The following ADGRB3 variants were observed in gnomAD, a reference collection of about 807,000 sequenced individuals.
ADGRB3 encodes adhesion G protein-coupled receptor B3, also known as brain-specific angiogenesis inhibitor 3.
Under a neutral mutation model 193.4 loss-of-function variants are expected in ADGRB3, and 37 were observed. That is an observed-to-expected ratio of 0.19 (90% CI 0.15 to 0.25). The LOEUF (loss-of-function observed/expected upper bound fraction) is 0.25. ADGRB3 is among the 10% of genes least tolerant of loss of function. The probability of loss-of-function intolerance (pLI) is 1.00; values close to 1 mark genes in which losing one functional copy is unlikely to be tolerated. For synonymous variants in ADGRB3, 690 were observed against 644.2 expected, an observed-to-expected ratio of 1.07 and a Z score of -1.08; for missense variants, 1,637 against 1,852.9, an observed-to-expected ratio of 0.88 and a Z score of 2.14.
At chr6:69,348,767 T>C (rs1769162046) in intron 26 of ADGRB3, among the ~76,000 whole-genome samples, 1 of 152,222 alleles carries the variant, frequency 6.6e-6, no homozygotes, top group African/African-American at 2.4e-5. Flanking sequence ...GCAATATTGT[T>C]AAACTAATAA....
At chr6:69,075,959 C>G in intron 16 of ADGRB3, 36 bp from the exon 17 acceptor site, 1 of 1,527,072 alleles carries the variant, frequency 6.5e-7, no homozygotes, top group Non-Finnish European at 9.1e-7. Flanking sequence ...TATATGTACT[C>G]AAGATATATG....
rs541878141 is a variant in ADGRB3, at chr6:68,868,334, C to T, written c.758-62225C>T. The stretch of plus-strand genomic sequence containing the variant: ...GTGTGTCTTTCTTCCCATTCACCTT[C>T]CGCCATGATTGTAAGTTTCTGAGGC... On this transcript the variant is annotated intron_variant, in intron 3 of 31. Coordinates refer to ENST00000370598, the MANE Select transcript of ADGRB3 (RefSeq NM_001704.3). 2.6e-5 allele frequency among the ~76,000 whole-genome samples: 4 copies of T among 152,298 alleles called. No individual in the cohort carries two copies. In the East Asian group the frequency reaches 7.7e-4, roughly 29 times the overall value.
rs146168175 is a variant in ADGRB3, at chr6:68,818,079, T to C, written c.758-112480T>C. ...TTCAGTGAATAAAGTGGCTTTAGGT[T>C]CTTGTAGCTGGGACCAAATCCATCT... On this transcript the variant is annotated intron_variant, in intron 3 of 31. Transcript: ENST00000370598. 2.9e-3 allele frequency among the ~76,000 whole-genome samples: 446 copies of C among 152,154 alleles called. 1 individual carries two copies. The highest frequency in any genetic ancestry group is 0.01 in the African/African-American group (431 of 41,548).
intron 17 of ADGRB3, among the ~76,000 whole-genome samples, chr6:69,096,636 A>G (rs1031512503): frequency 1.3e-5 from 2 of 152,162 alleles, no homozygotes; most frequent in Non-Finnish European, 1.5e-5. Context: ...GTTTGTGCTT[A>G]ACTTTTTTTC....
chr6:68,695,982 T>C lies in ADGRB3; in HGVS notation c.757+56550T>C, dbSNP rs577002285. Among the ~76,000 whole-genome samples, 4 of 152,140 alleles carry C rather than the reference T, an allele frequency of 2.6e-5. No individual in the cohort carries two copies. In the South Asian group the frequency reaches 8.3e-4, roughly 32 times the overall value. On this transcript the variant is annotated intron_variant, in intron 3 of 31. Transcript: ENST00000370598. Reference sequence around the variant, plus strand: ...TTTGTTGTGGATTTTCTTAGCGCCTTCCTGTATTTGGCTGCGACCCAAAGG... The same window carrying C: ...TTTGTTGTGGATTTTCTTAGCGCCTCCCTGTATTTGGCTGCGACCCAAAGG...
At chr6:68,889,273 A>G (rs371580796) in intron 3 of ADGRB3, among the ~76,000 whole-genome samples, 3 of 152,282 alleles carry the variant, frequency 2.0e-5, no homozygotes, top group African/African-American at 4.8e-5. Context: ...TTTGTTTGCC[A>G]TGATTGAAGT....
At chr6:69,147,258 A>G (rs1260923710) in intron 17 of ADGRB3, among the ~76,000 whole-genome samples, 1 of 151,984 alleles carries the variant, frequency 6.6e-6, no homozygotes, top group African/African-American at 2.4e-5. Context: ...ATGTTTTTCT[A>G]CCTTTTTGAG....
intron 16 of ADGRB3, among the ~76,000 whole-genome samples, chr6:69,074,407 T>C (rs1465983686): frequency 6.6e-6 from 1 of 152,154 alleles, no homozygotes; most frequent in Non-Finnish European, 1.5e-5. Context: ...GATGTTGCTT[T>C]CCCAGATACA....
chr6:68,722,432 C>A (rs2127325196), intron 3 of ADGRB3, among the ~76,000 whole-genome samples: 1 of 151,700 alleles, frequency 6.6e-6, no homozygotes, highest in East Asian at 2.0e-4. Flanking sequence ...GTCTATGTGA[C>A]AAACCTGCAC....
At chr6:69,159,501 C>T (rs544821064) in intron 17 of ADGRB3, among the ~76,000 whole-genome samples, 2 of 152,040 alleles carry the variant, frequency 1.3e-5, no homozygotes, top group Non-Finnish European at 2.9e-5. Flanking sequence ...GAACTGAACC[C>T]TGGCTCAGTG....
At chr6:68,897,562 AAG>A (rs1303332263) in intron 3 of ADGRB3, among the ~76,000 whole-genome samples, 3 of 40,330 alleles carry the variant, frequency 7.4e-5, no homozygotes, top group African/African-American at 3.8e-4. Context: ...GAAGGAAAGA[AAG>A]AGAAACAAGA....
At chr6:68,871,742 T>A (rs552143420) in intron 3 of ADGRB3, among the ~76,000 whole-genome samples, 30 of 152,258 alleles carry the variant, frequency 2.0e-4, no homozygotes, top group African/African-American at 6.7e-4. Flanking sequence ...CAAAAAGGGC[T>A]TTAAAGTCAT....
At chr6:68,648,994 A>G (rs1462269719) in intron 3 of ADGRB3, among the ~76,000 whole-genome samples, 1 of 151,948 alleles carries the variant, frequency 6.6e-6, no homozygotes, top group Non-Finnish European at 1.5e-5. Context: ...GTTCTATTGC[A>G]CATATTGTTT....
intron 17 of ADGRB3, among the ~76,000 whole-genome samples, chr6:69,125,027 C>G (rs1173374138): frequency 1.3e-5 from 2 of 152,018 alleles, no homozygotes; most frequent in East Asian, 3.9e-4. Context: ...TGATATCATC[C>G]TTTTGGGTGG....
chr6:69,021,479 T>C (rs971530594), intron 13 of ADGRB3, among the ~76,000 whole-genome samples: 3 of 151,798 alleles, frequency 2.0e-5, no homozygotes, highest in African/African-American at 7.2e-5. Flanking sequence ...CTGGATTAGA[T>C]AGAATGGGTT....
chr6:69,286,702 T>C (rs1323742508), intron 20 of ADGRB3, among the ~76,000 whole-genome samples: 1 of 152,172 alleles, frequency 6.6e-6, no homozygotes, highest in Non-Finnish European at 1.5e-5. Flanking sequence ...AAAAATAATA[T>C]GGTGTTTTAA....
At chr6:68,930,930 A>G (rs577193459) in intron 4 of ADGRB3, among the ~76,000 whole-genome samples, 7 of 152,222 alleles carry the variant, frequency 4.6e-5, no homozygotes, top group Admixed American at 3.9e-4. Flanking sequence ...ACTACTTAAA[A>G]TGTATCATTA....
intron 3 of ADGRB3, among the ~76,000 whole-genome samples, chr6:68,690,312 A>T (rs1362593284): frequency 6.6e-6 from 1 of 152,112 alleles, no homozygotes; most frequent in Admixed American, 6.6e-5. Context: ...GAAATATTAC[A>T]ACGTACCTTT....
chr6:68,672,448 T>A (rs947737632), intron 3 of ADGRB3, among the ~76,000 whole-genome samples: 17 of 152,038 alleles, frequency 1.1e-4, no homozygotes, highest in Admixed American at 6.6e-5. Context: ...CTCATTGGTT[T>A]TTATATGTTA....
Sources: allele counts gnomAD v4.1 joint callset (sites outside exome capture counted in the v4.1 genomes callset), GRCh38; gene constraint gnomAD v4.1.1; transcripts MANE v1.5; gene names NCBI Gene and HGNC (gene_info 2026-07-23, HGNC 2026-07-21).